LCOR: variants seen among roughly 807,000 people sequenced by gnomAD.
LCOR encodes the protein ligand-dependent corepressor.
A neutral mutation model predicts 64.4 loss-of-function variants in LCOR; 14 were observed. The ratio of observed to expected loss-of-function variants is 0.22; its 90% CI spans 0.14 to 0.34. The LOEUF is 0.34. Among genes scored for constraint, LCOR ranks in the 10% least tolerant of loss-of-function variants. LCOR has a pLI of 1.00. For missense variants in LCOR, 1,686 were observed against 1,765.3 expected (o/e 0.96, Z 0.80); for synonymous variants, 643 against 642.5 (o/e 1.00, Z -0.01).
chr10:96,904,432 G>A (rs1044098555), intron 2 of LCOR, among the ~76,000 whole-genome samples: 6 of 152,068 alleles, frequency 3.9e-5, no homozygotes, highest in African/African-American at 1.2e-4. Context: ...GCCGAATTTG[G>A]AATTTGGGGT....
At chr10:96,979,589 T>C (rs184013302) in intron 7 of LCOR, among the ~76,000 whole-genome samples, 6 of 151,924 alleles carry the variant, frequency 3.9e-5, no homozygotes. Flanking sequence ...AAAAGGTGTA[T>C]TGAAGATCTC....
At chr10:96,868,936 C>G (rs1161864726) in intron 2 of LCOR, among the ~76,000 whole-genome samples, 1 of 152,090 alleles carries the variant, frequency 6.6e-6, no homozygotes, top group East Asian at 1.9e-4. Context: ...GAGAGAGTCT[C>G]ACTCTATCAC....
chr10:96,860,780 T>C (rs1350442985), intron 2 of LCOR, among the ~76,000 whole-genome samples: 1 of 152,270 alleles, frequency 6.6e-6, no homozygotes, highest in Non-Finnish European at 1.5e-5. Flanking sequence ...AGTTACAGTT[T>C]AGCTGAACCT....
At chr10:96,911,007 G>A (rs917443362) in intron 4 of LCOR, among the ~76,000 whole-genome samples, 8 of 151,906 alleles carry the variant, frequency 5.3e-5, no homozygotes, top group East Asian at 3.9e-4. Flanking sequence ...TCAGGATCGC[G>A]CAGAAGTTAG....
intron 4 of LCOR, among the ~76,000 whole-genome samples, chr10:96,920,788 A>G (rs889843220): frequency 1.0e-4 from 13 of 127,900 alleles, no homozygotes; most frequent in East Asian, 4.5e-4. Flanking sequence ...ACACACACAC[A>G]CACGCGCGGT....
chr10:96,860,319 T>C (rs980852137), intron 2 of LCOR, among the ~76,000 whole-genome samples: 3 of 152,046 alleles, frequency 2.0e-5, no homozygotes, highest in Admixed American at 6.6e-5. Context: ...TGGCCCCTAA[T>C]CCAACAAGTG....
intron 4 of LCOR, among the ~76,000 whole-genome samples, chr10:96,933,502 G>A (rs1847298179): frequency 6.6e-6 from 1 of 152,174 alleles, no homozygotes; most frequent in South Asian, 2.1e-4. Context: ...AGCTTAAATG[G>A]AATTGGTTTC....
chr10:96,951,524 C>G (rs963973702), intron 6 of LCOR, among the ~76,000 whole-genome samples: 1 of 151,964 alleles, frequency 6.6e-6, no homozygotes, highest in East Asian at 1.9e-4. Context: ...ATTAGACACA[C>G]CCAAATCATA....
intron 7 of LCOR, chr10:96,956,160 A>T (rs1365147960): frequency 7.6e-7 from 1 of 1,307,514 alleles, no homozygotes; most frequent in African/African-American, 1.5e-5. Context: ...TACAAAAGAG[A>T]ATTGAGTTAC....
rs572985378 is a variant in LCOR, at chr10:96,898,975, A to G, written c.-329-8290A>G. 2.0e-5 allele frequency among the ~76,000 whole-genome samples: 3 copies of G among 152,328 alleles called. No individual in the cohort carries two copies. In the East Asian group the frequency reaches 5.8e-4, roughly 29 times the overall value. On this transcript the variant is annotated intron_variant, in intron 2 of 7. Coordinates refer to ENST00000421806, the MANE Select transcript of LCOR (RefSeq NM_001346516.2). ...GGAATCTTTCTGAAGTAAAATGAAT[A>G]GGACTCAATGACCGGAATACTTGGT...
intron 4 of LCOR, among the ~76,000 whole-genome samples, chr10:96,926,640 A>G (rs1847172322): frequency 1.3e-5 from 2 of 152,140 alleles, no homozygotes; most frequent in Admixed American, 6.5e-5. Context: ...ACAGTTGTCT[A>G]ACCAGCATAG....
intron 2 of LCOR, among the ~76,000 whole-genome samples, chr10:96,847,634 T>C (rs1297071623): frequency 6.6e-6 from 1 of 152,084 alleles, no homozygotes; most frequent in East Asian, 1.9e-4. Context: ...AGAGACAGGG[T>C]TTCTCCATGT....
chr10:96,968,937 C>CAAA (rs146079321), intron 7 of LCOR, among the ~76,000 whole-genome samples: 2 of 140,250 alleles, frequency 1.4e-5, no homozygotes, highest in African/African-American at 2.6e-5. Context: ...ATCCTGTCTC[C>CAAA]AAAAAAAAAA....
At chr10:96,976,529 A>G (rs1848041611) in intron 7 of LCOR, among the ~76,000 whole-genome samples, 1 of 152,200 alleles carries the variant, frequency 6.6e-6, no homozygotes, top group African/African-American at 2.4e-5. Flanking sequence ...CCATATGGCC[A>G]TGGTTGTTGC....
intron 7 of LCOR, among the ~76,000 whole-genome samples, chr10:96,966,910 A>T (rs753109845): frequency 2.0e-5 from 3 of 151,954 alleles, no homozygotes; most frequent in Non-Finnish European, 4.4e-5. Flanking sequence ...TAATTTTACA[A>T]TTTTTTGTGG....
At chr10:96,974,778 TA>T (rs1254933533) in intron 7 of LCOR, among the ~76,000 whole-genome samples, 1 of 152,248 alleles carries the variant, frequency 6.6e-6, no homozygotes, top group African/African-American at 2.4e-5. Flanking sequence ...GGCTAACACC[TA>T]TTTTTTAACA....
intron 7 of LCOR, among the ~76,000 whole-genome samples, chr10:96,952,879 T>C (rs1847705592): frequency 6.6e-6 from 1 of 152,124 alleles, no homozygotes; most frequent in South Asian, 2.1e-4. Context: ...GAAAAAGCAT[T>C]TCTATAAAAC....
chr10:96,848,786 CA>C (rs938827234), intron 2 of LCOR, among the ~76,000 whole-genome samples: 3 of 152,062 alleles, frequency 2.0e-5, no homozygotes, highest in African/African-American at 7.2e-5. Flanking sequence ...TTATTTTGTT[CA>C]AAAACACAGG....
intron 7 of LCOR, chr10:96,958,453 T>A (rs923233475): frequency 3.0e-5 from 33 of 1,117,366 alleles, no homozygotes; most frequent in Non-Finnish European, 4.3e-5. Flanking sequence ...TGCCTACCCT[T>A]TAATGCTGCA....
Sources: allele counts gnomAD v4.1 joint callset (sites outside exome capture counted in the v4.1 genomes callset), GRCh38; gene constraint gnomAD v4.1.1; transcripts MANE v1.5; gene names NCBI Gene and HGNC (gene_info 2026-07-23, HGNC 2026-07-21).